MAPK4: variants seen among roughly 807,000 people sequenced by gnomAD.
MAPK4 encodes mitogen-activated protein kinase 4, also known as Erk3-related.
A neutral mutation model predicts 47.7 loss-of-function variants in MAPK4; 22 were observed. The observed-to-expected ratio is 0.46, with a 90% CI of 0.33 to 0.66. The LOEUF is 0.66. MAPK4 is among the 30% of genes least tolerant of loss of function. The pLI, the probability that MAPK4 is intolerant of heterozygous loss-of-function variation, is 0.02. For missense variants in MAPK4, 736 were observed against 831.7 expected (o/e 0.88, Z 1.42); for synonymous variants, 390 against 365.7 (o/e 1.07, Z -0.76).
At chr18:50,591,066 T>C (rs2042432888) in intron 1 of MAPK4, among the ~76,000 whole-genome samples, 1 of 152,230 alleles carries the variant, frequency 6.6e-6, no homozygotes, top group African/African-American at 2.4e-5. Context: ...TTCAAATTCA[T>C]ATTGGCACAA....
At chr18:50,704,460 G>A in intron 2 of MAPK4, 1 of 397,776 alleles carries the variant, frequency 2.5e-6, no homozygotes. Flanking sequence ...TAGCCTGGGT[G>A]ACAAAGTGAG....
chr18:50,715,157 G>C lies in MAPK4; in HGVS notation c.625G>C (p.Ala209Pro), dbSNP rs775856107. The part of the protein sequence containing the change: ...LLLSPNNYTK[A>P]IDMWAAGCIL... Reference sequence around the variant, plus strand: ...CCTTTCCCCCAATAACTACACCAAAGCCATCGACATGTGGGCCGCCGGCTG... The same window carrying C: ...CCTTTCCCCCAATAACTACACCAAACCCATCGACATGTGGGCCGCCGGCTG... The change falls in exon 3 of 6, where the codon GCC (alanine) becomes CCC (proline). Residue 209 changes from alanine (A) to proline (P), a missense_variant. Ala to Pro is a conservative substitution (Grantham distance 27). Transcript: ENST00000400384. The C allele has an allele frequency of 6.2e-7, 1 of 1,614,160 alleles. No homozygotes were observed. The highest frequency in any genetic ancestry group is 1.1e-5 in the South Asian group (1 of 91,078).
At chr18:50,704,946 T>C (rs1909974778) in intron 2 of MAPK4, 2 of 395,680 alleles carry the variant, frequency 5.1e-6, no homozygotes. Flanking sequence ...ACATTTTCTT[T>C]CTTTCTTTTT....
chr18:50,621,029 C>T lies in MAPK4; in HGVS notation c.-870-42060C>T, dbSNP rs116643016. Among the ~76,000 whole-genome samples, 253 of 152,266 alleles carry T rather than the reference C, an allele frequency of 1.7e-3. 1 individual carries two copies. Among genetic ancestry groups the T allele is most frequent in the African/African-American group, 5.9e-3 (247 of 41,538 alleles). On this transcript the variant is annotated intron_variant, in intron 1 of 5. Coordinates refer to ENST00000400384, the MANE Select transcript of MAPK4 (RefSeq NM_002747.4). ...GAAGAAAAACAGTGCTTAACTTTAT[C>T]GATCATTTGCTACATTACTGGGCAC... is the stretch of plus-strand genomic sequence containing the variant.
In MAPK4 at chr18:50,663,602, A is replaced by T; in HGVS notation, c.-357A>T. On this transcript the variant is annotated 5_prime_UTR_variant, in exon 2 of 6. Coordinates refer to ENST00000400384, the MANE Select transcript of MAPK4 (RefSeq NM_002747.4). The stretch of plus-strand genomic sequence containing the variant: ...ACTTTGCAGTCCACTATGGTAGAAA[A>T]CTTGACATTCCATAGATAATGATAC... 1 of 175,522 alleles carries T rather than the reference A, an allele frequency of 5.7e-6. No homozygotes were observed. The highest frequency in any genetic ancestry group is 2.4e-5 in the African/African-American group (1 of 42,474). The allele number at this position is 175,522 out of a possible 1,614,324, so 10.9% of individuals were successfully genotyped here. A position where few individuals can be genotyped will look rare whatever the true frequency, so the allele number is the denominator to read the frequency against.
chr18:50,586,903 T>C (rs925422294), intron 1 of MAPK4, among the ~76,000 whole-genome samples: 2 of 151,038 alleles, frequency 1.3e-5, no homozygotes, highest in Non-Finnish European at 1.5e-5. Flanking sequence ...TTATATACCA[T>C]TGCCATCTTG....
chr18:50,601,111 AAAAGAAG>A (rs2042534488), intron 1 of MAPK4, among the ~76,000 whole-genome samples: 1 of 151,060 alleles, frequency 6.6e-6, no homozygotes, highest in South Asian at 2.1e-4. Flanking sequence ...AAAAAAAAAA[AAAAGAAG>A]AAGAAGAAGA....
chr18:50,589,045 T>C (rs1418751112), intron 1 of MAPK4, among the ~76,000 whole-genome samples: 5 of 152,206 alleles, frequency 3.3e-5, no homozygotes, highest in African/African-American at 1.2e-4. Context: ...CCATCAAGTA[T>C]GCATGATGGA....
rs1022877826 is a variant in MAPK4, at chr18:50,671,483, T to C, written c.546+6979T>C. Among the ~76,000 whole-genome samples the C allele has an allele frequency of 3.3e-5, 5 of 152,102 alleles. No homozygotes were observed. The East Asian group carries it at 7.7e-4, about 23-fold the overall frequency. On this transcript the variant is annotated intron_variant, in intron 2 of 5. Transcript: ENST00000400384. Reference sequence around the variant, plus strand: ...AGCAAATTACTGCAGTTTGTTAAGTTTGTGGTTCAATTTGAGGTCCCAAAG... The same window carrying C: ...AGCAAATTACTGCAGTTTGTTAAGTCTGTGGTTCAATTTGAGGTCCCAAAG...
chr18:50,626,540 C>T (rs1395639342), intron 1 of MAPK4, among the ~76,000 whole-genome samples: 1 of 152,138 alleles, frequency 6.6e-6, no homozygotes, highest in East Asian at 1.9e-4. Flanking sequence ...CCCAAGGGTT[C>T]ATCAAGGTGT....
chr18:50,695,120 C>A (rs886381133), intron 2 of MAPK4, among the ~76,000 whole-genome samples: 1 of 151,880 alleles, frequency 6.6e-6, no homozygotes, highest in Admixed American at 6.6e-5. Context: ...CCGAAGTGGG[C>A]AGATCACTTG....
At chr18:50,668,170 A>G (rs919937001) in intron 2 of MAPK4, among the ~76,000 whole-genome samples, 14 of 152,224 alleles carry the variant, frequency 9.2e-5, no homozygotes, top group Non-Finnish European at 4.4e-5. Context: ...CCAGGTGAAA[A>G]GATATACAGG....
At chr18:50,559,711 C>T (rs1305911543), upstream of MAPK4, among the ~76,000 whole-genome samples, 3 of 151,886 alleles carry the variant, frequency 2.0e-5, no homozygotes, top group South Asian at 2.1e-4. Context: ...TTCTCGGCGC[C>T]CCCTCCCTCC....
At chr18:50,721,055 A>G (rs953254067) in intron 3 of MAPK4, among the ~76,000 whole-genome samples, 1 of 152,208 alleles carries the variant, frequency 6.6e-6, no homozygotes, top group African/African-American at 2.4e-5. Context: ...AACCTAGTAC[A>G]GCTAAGTGGA....
chr18:50,664,447 G>A lies in MAPK4; in HGVS notation c.489G>A (p.Val163=), dbSNP rs45471400. The change falls in exon 2 of 6, where the codon GTG becomes GTA. Residue 163 remains valine, a synonymous_variant. Coordinates refer to ENST00000400384, the MANE Select transcript of MAPK4 (RefSeq NM_002747.4). The surrounding 1 kb of genome is among the most constrained non-coding windows in gnomAD (Gnocchi z 6.0). The part of the protein sequence containing the change: ...ANIFISTEDL[V]LKIGDFGLAR... ...TCTTCATCAGCACAGAGGACCTCGT[G>A]CTCAAGATTGGGGATTTCGGGTTGG... The A allele has an allele frequency of 0.023, 36,854 of 1,613,042 alleles. 516 individuals carry two copies. Among genetic ancestry groups the A allele is most frequent in the Non-Finnish European group, 0.028 (32,476 of 1,179,242 alleles).
chr18:50,713,679 T>C (rs1289155928), intron 2 of MAPK4, among the ~76,000 whole-genome samples: 1 of 152,226 alleles, frequency 6.6e-6, no homozygotes, highest in African/African-American at 2.4e-5. Context: ...AGGAAACTTC[T>C]GAGAGGAAGC....
intron 1 of MAPK4, among the ~76,000 whole-genome samples, chr18:50,633,090 G>A (rs1242034613): frequency 2.0e-5 from 3 of 152,182 alleles, no homozygotes; most frequent in East Asian, 1.9e-4. Flanking sequence ...TGGGTGTGCC[G>A]AGGTCACACT....
chr18:50,712,545 T>TAAA (rs5824847), intron 2 of MAPK4, among the ~76,000 whole-genome samples: 6 of 143,406 alleles, frequency 4.2e-5, no homozygotes, highest in African/African-American at 7.7e-5. Flanking sequence ...TGTTTTTCAT[T>TAAA]AAAAAAAAAA....
intron 1 of MAPK4, among the ~76,000 whole-genome samples, chr18:50,652,223 T>C (rs529110809): frequency 6.6e-6 from 1 of 152,324 alleles, no homozygotes; most frequent in East Asian, 1.9e-4. Flanking sequence ...GGTCCAGGGA[T>C]TGTTGACCTG....
Sources: allele counts gnomAD v4.1 joint callset (sites outside exome capture counted in the v4.1 genomes callset), GRCh38; gene constraint gnomAD v4.1.1; non-coding constraint Gnocchi (gnomAD v3.1); transcripts MANE v1.5; gene names NCBI Gene and HGNC (gene_info 2026-07-23, HGNC 2026-07-21).